CDH4: variants seen among roughly 807,000 people sequenced by gnomAD.
The protein encoded by CDH4 is cadherin 4.
Under a neutral mutation model 86.0 loss-of-function variants are expected in CDH4, and 33 were observed. The observed-to-expected ratio is 0.38, with a 90% CI of 0.29 to 0.51. CDH4 has a LOEUF of 0.51. Ranked by LOEUF, CDH4 falls within the 20% of genes least tolerant of loss-of-function variation. The probability of loss-of-function intolerance (pLI) is 0.86; values close to 1 mark genes in which losing one functional copy is unlikely to be tolerated. For synonymous variants in CDH4, 555 were observed against 549.4 expected, an observed-to-expected ratio of 1.01 and a Z score of -0.14; for missense variants, 1,114 against 1,307.4, an observed-to-expected ratio of 0.85 and a Z score of 2.28.
chr20:61,762,865 G>C (rs1173947579), intron 3 of CDH4, among the ~76,000 whole-genome samples: 1 of 152,224 alleles, frequency 6.6e-6, no homozygotes, highest in East Asian at 1.9e-4. Context: ...GAGGGGGACA[G>C]GTGCACCCCA....
At chr20:61,611,691 T>C (rs1042973801) in intron 2 of CDH4, among the ~76,000 whole-genome samples, 1 of 152,126 alleles carries the variant, frequency 6.6e-6, no homozygotes, top group Admixed American at 6.5e-5. Flanking sequence ...AATGTCTTGG[T>C]TGCACGCTCA....
intron 2 of CDH4, among the ~76,000 whole-genome samples, chr20:61,588,305 G>A (rs746827762): frequency 1.1e-4 from 16 of 152,338 alleles, no homozygotes; most frequent in African/African-American, 1.9e-4. Context: ...CTAGGAAGGC[G>A]TAGGTCTCGC....
At chr20:61,258,670 A>G (rs2084114151) in intron 2 of CDH4, among the ~76,000 whole-genome samples, 1 of 152,252 alleles carries the variant, frequency 6.6e-6, no homozygotes, top group South Asian at 2.1e-4. Flanking sequence ...GAGTGCAGAC[A>G]TAGGTGGTCA....
At chr20:61,856,176 C>T (rs1982993359) in intron 6 of CDH4, among the ~76,000 whole-genome samples, 1 of 152,148 alleles carries the variant, frequency 6.6e-6, no homozygotes, top group Non-Finnish European at 1.5e-5. Flanking sequence ...AAAACTACCG[C>T]CAGAAATTAG....
intron 2 of CDH4, among the ~76,000 whole-genome samples, chr20:61,353,206 T>C (rs193137105): frequency 6.6e-6 from 1 of 152,202 alleles, no homozygotes; most frequent in Non-Finnish European, 1.5e-5. Flanking sequence ...TGCTACTTCC[T>C]CCCCTGGAGG....
At chr20:61,541,415 CTGTTTT>C (rs1283835922) in intron 2 of CDH4, among the ~76,000 whole-genome samples, 2 of 152,200 alleles carry the variant, frequency 1.3e-5, no homozygotes, top group African/African-American at 4.8e-5. Flanking sequence ...GGGTGTGTTT[CTGTTTT>C]TATTAATAGC....
At chr20:61,546,036 T>TACAC (rs1167022239) in intron 2 of CDH4, among the ~76,000 whole-genome samples, 14 of 98,422 alleles carry the variant, frequency 1.4e-4, no homozygotes, top group African/African-American at 1.6e-4. Context: ...TGTGTGTTCG[T>TACAC]GTGTGTGTGG....
chr20:61,261,131 G>T (rs1388170807), intron 2 of CDH4, among the ~76,000 whole-genome samples: 2 of 152,206 alleles, frequency 1.3e-5, no homozygotes, highest in African/African-American at 4.8e-5. Flanking sequence ...CTACCCAGGA[G>T]GAATCTAGGC....
At chr20:61,651,987 G>C (rs942825923) in intron 2 of CDH4, among the ~76,000 whole-genome samples, 17 of 152,210 alleles carry the variant, frequency 1.1e-4, no homozygotes, top group Admixed American at 1.0e-3. Flanking sequence ...GCAGGAGGAG[G>C]TGATGGACCC....
At chr20:61,849,439 G>A (rs1982611244) in intron 5 of CDH4, among the ~76,000 whole-genome samples, 1 of 152,206 alleles carries the variant, frequency 6.6e-6, no homozygotes, top group African/African-American at 2.4e-5. Flanking sequence ...TAGGTCAGAA[G>A]TCCAGATGGG....
intron 2 of CDH4, among the ~76,000 whole-genome samples, chr20:61,581,915 C>A (rs982510600): frequency 2.6e-5 from 4 of 152,180 alleles, no homozygotes; most frequent in African/African-American, 9.7e-5. Flanking sequence ...AGCCGGTAGA[C>A]CTGAGCCACA....
At chr20:61,853,563 G>T (rs540737782) in intron 6 of CDH4, among the ~76,000 whole-genome samples, 1 of 152,160 alleles carries the variant, frequency 6.6e-6, no homozygotes, top group Non-Finnish European at 1.5e-5. Flanking sequence ...AGCGTGTCAT[G>T]TCTTGCATCT....
intron 2 of CDH4, among the ~76,000 whole-genome samples, chr20:61,371,031 A>G (rs1039374119): frequency 6.6e-6 from 1 of 151,946 alleles, no homozygotes; most frequent in Admixed American, 6.6e-5. Flanking sequence ...AGCCTGGGGG[A>G]TTTTTTATTT....
At position 61,252,606 on chromosome 20, in the gene CDH4, C is replaced by A; in HGVS notation, c.57+36C>A. On this transcript the variant is annotated intron_variant, in intron 1 of 15. Coordinates refer to ENST00000614565, the MANE Select transcript of CDH4 (RefSeq NM_001794.5). This position sits in a 1 kb window ranked among gnomAD's most constrained non-coding sequence, Gnocchi z 4.4. ...GCCTCCCGCCCCCGCCGTTCGGAAG[C>A]CCCGGGCAGCGGGAGGTCGTCCCCG... 1.7e-6 allele frequency: 2 copies of A among 1,184,168 alleles called. No homozygotes were observed. The highest frequency in any genetic ancestry group is 2.1e-6 in the Non-Finnish European group (2 of 952,422). The allele number at this position is 1,184,168 out of a possible 1,614,324, so 73.4% of individuals were successfully genotyped here. A position where few individuals can be genotyped will look rare whatever the true frequency, so the allele number is the denominator to read the frequency against.
rs139345766 is a variant in CDH4, at chr20:61,578,347, C to G, written c.170-165216C>G. Among the ~76,000 whole-genome samples, 473 of 152,276 alleles carry G rather than the reference C, an allele frequency of 3.1e-3. 2 individuals carry two copies. The highest frequency in any genetic ancestry group is 0.014 in the Middle Eastern group (4 of 294). On this transcript the variant is annotated intron_variant, in intron 2 of 15. Transcript: ENST00000614565. Reference sequence around the variant, plus strand: ...TAATCTAAGGGTCTTTAATTTTTTGCTTTTGTCAGAAGATTCTCATACCAT... The same window carrying G: ...TAATCTAAGGGTCTTTAATTTTTTGGTTTTGTCAGAAGATTCTCATACCAT...
chr20:61,258,047 T>G (rs542171369), intron 2 of CDH4, among the ~76,000 whole-genome samples: 1 of 152,244 alleles, frequency 6.6e-6, no homozygotes, highest in East Asian at 1.9e-4. Flanking sequence ...AAGAGGAGCT[T>G]GGCTGGGTGC....
At chr20:61,922,533 C>T (rs1323169666) in intron 9 of CDH4, among the ~76,000 whole-genome samples, 1 of 152,208 alleles carries the variant, frequency 6.6e-6, no homozygotes, top group Admixed American at 6.5e-5. Flanking sequence ...CACCACAAAC[C>T]AGGTGGGTTA....
At chr20:61,382,384 G>A (rs1186913331) in intron 2 of CDH4, among the ~76,000 whole-genome samples, 4 of 152,170 alleles carry the variant, frequency 2.6e-5, no homozygotes, top group Admixed American at 6.5e-5. Flanking sequence ...AAAGGTGGGT[G>A]AAACACACAT....
At position 61,910,464 on chromosome 20, in the gene CDH4, G is replaced by T. The variant is rs775216668; in HGVS notation, c.1231G>T (p.Ala411Ser). 5 of 1,613,864 alleles carry T rather than the reference G, an allele frequency of 3.1e-6. No homozygotes were observed. Among genetic ancestry groups the T allele is most frequent in the East Asian group, 2.2e-5 (1 of 44,876 alleles). The change falls in exon 9 of 16, where the codon GCA (alanine) becomes TCA (serine). Residue 411 changes from alanine to serine, a missense_variant. Transcript: ENST00000614565. Reference protein sequence around the residue: ...VPENRVETVVANLTVMDRDQP... With the variant: ...VPENRVETVVSNLTVMDRDQP... ...CGAAAACCGCGTGGAGACCGTGGTC[G>T]CAAACCTCACGGTGATGGACCGAGA...
Sources: allele counts gnomAD v4.1 joint callset (sites outside exome capture counted in the v4.1 genomes callset), GRCh38; gene constraint gnomAD v4.1.1; non-coding constraint Gnocchi (gnomAD v3.1); transcripts MANE v1.5; gene names NCBI Gene and HGNC (gene_info 2026-07-23, HGNC 2026-07-21).